Variants in CERK observed in about 807,000 individuals in gnomAD.
The protein encoded by CERK is ceramide kinase.
In CERK, 39 loss-of-function variants were observed where a neutral mutation model predicts 63.4. The ratio of observed to expected loss-of-function variants is 0.61; its 90% confidence interval spans 0.48 to 0.80. The LOEUF (loss-of-function observed/expected upper bound fraction) is 0.80. Among genes scored for constraint, CERK ranks in the 30% least tolerant of loss-of-function variants. The pLI is 0.00. For synonymous variants in CERK, 302 were observed against 280.0 expected (o/e 1.08, Z -0.78); for missense variants, 670 against 714.1 (o/e 0.94, Z 0.70).
At chr22:46,720,646 G>A (rs1264519279) in intron 2 of CERK, among the ~76,000 whole-genome samples, 3 of 152,092 alleles carry the variant, frequency 2.0e-5, no homozygotes, top group African/African-American at 4.8e-5. Flanking sequence ...AACTAGCCGA[G>A]ACCGCGCCAC....
chr22:46,698,626 C>T (rs2082767905), intron 8 of CERK, among the ~76,000 whole-genome samples: 1 of 152,096 alleles, frequency 6.6e-6, no homozygotes, highest in Non-Finnish European at 1.5e-5. Flanking sequence ...CATGGTTGCT[C>T]ATGGTTGTAA....
chr22:46,725,338 G>A (rs763311173), intron 1 of CERK, among the ~76,000 whole-genome samples: 90 of 152,306 alleles, frequency 5.9e-4, no homozygotes, highest in African/African-American at 2.0e-3. Flanking sequence ...GAGAGCTGGC[G>A]CCTGCTCATC....
At chr22:46,705,086 A>G (rs1238351813) in intron 6 of CERK, among the ~76,000 whole-genome samples, 1 of 152,230 alleles carries the variant, frequency 6.6e-6, no homozygotes, top group Non-Finnish European at 1.5e-5. Context: ...GGCTTGGGGA[A>G]ACTCCCCCTC....
At chr22:46,727,162 GC>G (rs1249557210) in intron 1 of CERK, among the ~76,000 whole-genome samples, 1 of 152,156 alleles carries the variant, frequency 6.6e-6, no homozygotes, top group Non-Finnish European at 1.5e-5. Flanking sequence ...CTCACAGCAA[GC>G]CCCCAGAGTT....
intron 5 of CERK, among the ~76,000 whole-genome samples, chr22:46,708,789 A>G (rs1462890716): frequency 1.3e-5 from 2 of 152,080 alleles, no homozygotes; most frequent in Non-Finnish European, 2.9e-5. Context: ...TTTCCTGGAC[A>G]TCTCTATAGC....
intron 1 of CERK, among the ~76,000 whole-genome samples, chr22:46,727,831 AC>A (rs35093090): frequency 0.77 from 110,020 of 142,386 alleles, 43,813 homozygotes; most frequent in East Asian, 0.9. Flanking sequence ...TGGCCCAGCC[AC>A]CCCCCCCGGC....
At chr22:46,707,228 C>T (rs1320631172) in intron 6 of CERK, among the ~76,000 whole-genome samples, 1 of 152,192 alleles carries the variant, frequency 6.6e-6, no homozygotes, top group African/African-American at 2.4e-5. Flanking sequence ...ACCTCGTCCC[C>T]TGCCAGGTCA....
intron 1 of CERK, among the ~76,000 whole-genome samples, chr22:46,728,355 C>T (rs2082930064): frequency 6.6e-6 from 1 of 152,102 alleles, no homozygotes; most frequent in African/African-American, 2.4e-5. Context: ...TGAAAGGCCA[C>T]GGGGGCTACT....
intron 1 of CERK, among the ~76,000 whole-genome samples, chr22:46,732,062 G>T (rs1057416664): frequency 6.6e-6 from 1 of 152,240 alleles, no homozygotes; most frequent in East Asian, 1.9e-4. Context: ...TGGCAAAAAG[G>T]GGACCAAGGT....
intron 1 of CERK, among the ~76,000 whole-genome samples, chr22:46,726,779 C>T (rs2082920486): frequency 6.6e-6 from 1 of 152,162 alleles, no homozygotes; most frequent in Non-Finnish European, 1.5e-5. Context: ...CGCCCCTCCC[C>T]GCCCACCACG....
Position 46,695,237 on chromosome 22 carries a change from G to A in CERK, c.1022C>T (p.Pro341Leu), listed in dbSNP as rs762461739. 3 of 1,605,210 alleles carry A rather than the reference G, an allele frequency of 1.9e-6. No homozygotes were observed. Among genetic ancestry groups the A allele is most frequent in the South Asian group, 1.1e-5 (1 of 90,772 alleles). The change falls in exon 9 of 13, where the codon CCA (proline) becomes CTA (leucine). Residue 341 changes from proline to leucine, a missense_variant. Transcript: ENST00000216264. ...FLPAQHTVGSPRDRKPCRAGC... is the reference protein window; with the variant it reads ...FLPAQHTVGSLRDRKPCRAGC... Reference sequence around the variant, plus strand: ...TGCCCGGCAGGGCTTCCTATCCCTTGGAGATCCCACCGTGTGTTGTGCAGG... The same window carrying A: ...TGCCCGGCAGGGCTTCCTATCCCTTAGAGATCCCACCGTGTGTTGTGCAGG...
intron 8 of CERK, among the ~76,000 whole-genome samples, chr22:46,696,756 G>C (rs1207743539): frequency 6.6e-6 from 1 of 152,214 alleles, no homozygotes; most frequent in African/African-American, 2.4e-5. Flanking sequence ...CAGAGACCCG[G>C]AAGGCGTCTC....
At chr22:46,698,426 T>C (rs1317226741) in intron 8 of CERK, among the ~76,000 whole-genome samples, 1 of 152,254 alleles carries the variant, frequency 6.6e-6, no homozygotes, top group East Asian at 1.9e-4. Flanking sequence ...TGTATCTCAC[T>C]TGTATGGCTA....
rs1229722608 is a variant in CERK at position 46,687,072 on chromosome 22, CTG to C, written c.*60_*61del. ...AAATGTATATATCAACATAATTGGT[CTG>C]TAATAATTATCTTAAATAGTTTTCA... On this transcript the variant is annotated 3_prime_UTR_variant, in exon 13 of 13. Coordinates refer to ENST00000216264, the MANE Select transcript of CERK (RefSeq NM_022766.6). 4.6e-6 allele frequency: 6 copies of C among 1,316,610 alleles called. No homozygotes were observed. The East Asian group carries it at 1.2e-4, about 26-fold the overall frequency. 81.6% of individuals were successfully genotyped at this position (1,316,610 alleles called of 1,614,324 possible).
At chr22:46,698,716 C>T (rs1464965077) in intron 8 of CERK, among the ~76,000 whole-genome samples, 1 of 147,516 alleles carries the variant, frequency 6.8e-6, no homozygotes, top group African/African-American at 2.5e-5. Flanking sequence ...CAGGGCAAAA[C>T]CCTTTGTCTA....
Position 46,712,302 on chromosome 22 carries a change from C to A in CERK, c.380-9G>T, listed in dbSNP as rs116402249. 1,526 of 1,611,822 alleles carry A rather than the reference C, an allele frequency of 9.5e-4. 11 individuals are homozygous for A. In the African/African-American group the frequency reaches 0.018, roughly 19 times the overall value. Reference sequence around the variant, plus strand: ...ATGCTTTGGTCTGGACGCTGTAAGACAACAACATGTAAATAACAACGAAAA... The same window carrying A: ...ATGCTTTGGTCTGGACGCTGTAAGAAAACAACATGTAAATAACAACGAAAA... On this transcript the variant is annotated splice_polypyrimidine_tract_variant and intron_variant, in intron 3 of 12. Coordinates refer to ENST00000216264, the MANE Select transcript of CERK (RefSeq NM_022766.6).
Position 46,714,612 on chromosome 22 carries a change from G to A in CERK, c.380-2319C>T, listed in dbSNP as rs1304919573. On this transcript the variant is annotated intron_variant, in intron 3 of 12. Coordinates refer to ENST00000216264, the MANE Select transcript of CERK (RefSeq NM_022766.6). This position sits in a 1 kb window ranked among gnomAD's most constrained non-coding sequence, Gnocchi z 4.4. Reference sequence around the variant, plus strand: ...TCTGACAGCTAATAAAGACACCAAAGCTATTAATGAAAACTTCTCACAAAG... The same window carrying A: ...TCTGACAGCTAATAAAGACACCAAAACTATTAATGAAAACTTCTCACAAAG... Among the ~76,000 whole-genome samples, 1 of 152,110 alleles carries A rather than the reference G, an allele frequency of 6.6e-6. No homozygotes were observed. The highest frequency in any genetic ancestry group is 1.5e-5 in the Non-Finnish European group (1 of 68,032).
chr22:46,691,041 A>T (rs1419678599), intron 11 of CERK, among the ~76,000 whole-genome samples: 1 of 137,964 alleles, frequency 7.2e-6, no homozygotes, highest in Non-Finnish European at 1.5e-5. Flanking sequence ...ACATACACAC[A>T]CATGTATACA....
At chr22:46,711,243 T>G in intron 4 of CERK, 94 bp from the exon 5 acceptor site, 1 of 915,556 alleles carries the variant, frequency 1.1e-6, no homozygotes, top group Non-Finnish European at 1.8e-6. Context: ...TGAGTTCCTG[T>G]AACACCTTCA....
Sources: gnomAD v4.1 joint callset for allele counts (sites outside exome capture counted in the v4.1 genomes callset) on GRCh38, gnomAD v4.1.1 for gene constraint, Gnocchi (gnomAD v3.1) non-coding constraint, MANE v1.5 for transcripts, NCBI Gene and HGNC (gene_info 2026-07-23, HGNC 2026-07-21) for gene names.